PDE4D: variants seen among roughly 807,000 people sequenced by gnomAD.
PDE4D encodes the protein phosphodiesterase 4D.
PDE4D carries 24 observed loss-of-function variants against 87.4 expected under a neutral mutation model. The ratio of observed to expected loss-of-function variants is 0.27; its 90% CI spans 0.20 to 0.39. The LOEUF (loss-of-function observed/expected upper bound fraction) is 0.39. Ranked by LOEUF, PDE4D falls within the 10% of genes least tolerant of loss-of-function variation. PDE4D has a pLI of 1.00. For missense variants in PDE4D, 714 were observed against 1,041.0 expected (o/e 0.69, Z 4.32); for synonymous variants, 384 against 383.2 (o/e 1.00, Z -0.02).
intron 1 of PDE4D, among the ~76,000 whole-genome samples, chr5:59,514,535 C>T (rs1275669884): frequency 6.6e-6 from 1 of 152,132 alleles, no homozygotes; most frequent in African/African-American, 2.4e-5. Flanking sequence ...TTATTTTTAC[C>T]TCACTAGGAT....
intron 1 of PDE4D, among the ~76,000 whole-genome samples, chr5:59,700,516 A>G (rs982342228): frequency 6.6e-6 from 1 of 152,230 alleles, no homozygotes; most frequent in African/African-American, 2.4e-5. Context: ...AAAATCACGT[A>G]GATTTCACAC....
At chr5:59,434,579 C>T (rs1796542180) in intron 1 of PDE4D, among the ~76,000 whole-genome samples, 2 of 152,084 alleles carry the variant, frequency 1.3e-5, no homozygotes, top group Admixed American at 1.3e-4. Flanking sequence ...CTGAAAAACT[C>T]CCACCTCTTT....
At chr5:60,252,391 C>CT (rs1748576302) in intron 1 of PDE4D, among the ~76,000 whole-genome samples, 1 of 112,916 alleles carries the variant, frequency 8.9e-6, no homozygotes, top group Non-Finnish European at 1.8e-5. Flanking sequence ...TCACAGCACA[C>CT]TTTTTTACTT....
intron 1 of PDE4D, among the ~76,000 whole-genome samples, chr5:60,511,840 A>G (rs1419580749): frequency 6.6e-6 from 1 of 152,162 alleles, no homozygotes; most frequent in Admixed American, 6.5e-5. Flanking sequence ...AAATTTTAAA[A>G]TATTTTAAAA....
At chr5:59,203,770 A>T (rs1402142050) in intron 2 of PDE4D, among the ~76,000 whole-genome samples, 1 of 152,206 alleles carries the variant, frequency 6.6e-6, no homozygotes, top group African/African-American at 2.4e-5. Flanking sequence ...GATCTCACAC[A>T]TATGTGGAAT....
chr5:59,437,502 T>C (rs1401716533), intron 1 of PDE4D, among the ~76,000 whole-genome samples: 1 of 152,116 alleles, frequency 6.6e-6, no homozygotes, highest in Non-Finnish European at 1.5e-5. Context: ...AGATAAAAAA[T>C]AATCATGCTG....
intron 1 of PDE4D, among the ~76,000 whole-genome samples, chr5:60,502,681 A>G (rs1192490430): frequency 6.6e-6 from 1 of 152,148 alleles, no homozygotes; most frequent in Non-Finnish European, 1.5e-5. Flanking sequence ...ATGAAGGTAG[A>G]ATTATTGCCA....
At position 59,651,030 on chromosome 5, in the gene PDE4D, C is replaced by T. The variant is rs376638321; in HGVS notation, c.455+242138G>A. ...CAGCACTTTGGGAGGCCGAGGTGGGCGGATCACGAGGTCAGGAGATCGAGA... is the reference window on the plus strand; with the variant it reads ...CAGCACTTTGGGAGGCCGAGGTGGGTGGATCACGAGGTCAGGAGATCGAGA... On this transcript the variant is annotated intron_variant, in intron 1 of 14. Transcript: ENST00000340635. Among the ~76,000 whole-genome samples, 56 of 151,856 alleles carry T rather than the reference C, an allele frequency of 3.7e-4. 1 individual carries two copies. In the South Asian group the frequency reaches 0.01, roughly 28 times the overall value.
intron 1 of PDE4D, among the ~76,000 whole-genome samples, chr5:59,858,591 A>T (rs1003430594): frequency 3.3e-5 from 5 of 152,100 alleles, no homozygotes; most frequent in African/African-American, 1.2e-4. Flanking sequence ...ATGAGAGAGA[A>T]TGTGGAATGG....
chr5:60,114,338 A>G (rs1777945473), intron 2 of PDE4D, among the ~76,000 whole-genome samples: 1 of 152,104 alleles, frequency 6.6e-6, no homozygotes, highest in Non-Finnish European at 1.5e-5. Flanking sequence ...GAAAATATAA[A>G]GCATTATTGA....
intron 1 of PDE4D, among the ~76,000 whole-genome samples, chr5:59,752,093 T>C (rs554799516): frequency 6.6e-6 from 1 of 152,312 alleles, no homozygotes; most frequent in African/African-American, 2.4e-5. Context: ...TATTGTTTTA[T>C]GGTTGAGTAA....
intron 1 of PDE4D, among the ~76,000 whole-genome samples, chr5:59,750,608 A>G (rs1760302493): frequency 6.6e-6 from 1 of 152,062 alleles, no homozygotes; most frequent in Non-Finnish European, 1.5e-5. Flanking sequence ...CCACTGGAAT[A>G]TTTATTTGTG....
chr5:60,460,198 C>G (rs1746815197), intron 1 of PDE4D: 2 of 1,520,704 alleles, frequency 1.3e-6, no homozygotes, highest in Middle Eastern at 2.3e-4. Context: ...TCCAGATGAA[C>G]ATTTCATCAA....
Position 60,440,644 on chromosome 5 carries a change from T to C in PDE4D, c.-90+47298A>G, listed in dbSNP as rs561594532. On this transcript the variant is annotated intron_variant, in intron 1 of 16. Coordinates refer to the PDE4D transcript ENST00000502484. ...GATAGATATTGAAATGCATATATAT[T>C]GAAAAATGCACAATGTGTTTAGAAA... Among the ~76,000 whole-genome samples, 580 of 152,192 alleles carry C rather than the reference T, an allele frequency of 3.8e-3. 4 individuals are homozygous for C. The highest frequency in any genetic ancestry group is 0.014 in the African/African-American group (569 of 41,526).
chr5:58,980,985 G>A (rs979586391), intron 11 of PDE4D, among the ~76,000 whole-genome samples: 7 of 152,050 alleles, frequency 4.6e-5, no homozygotes, highest in East Asian at 1.9e-4. Context: ...TCCAGGCTCC[G>A]AGAAAGCAAA....
intron 3 of PDE4D, among the ~76,000 whole-genome samples, chr5:59,964,332 GCGTT>G (rs2152812643): frequency 6.6e-6 from 1 of 152,254 alleles, no homozygotes; most frequent in South Asian, 2.1e-4. Context: ...GAAGCAACCA[GCGTT>G]TGGCTTCAGC....
At chr5:59,820,803 TTGTTTG>T (rs1328973908) in intron 1 of PDE4D, among the ~76,000 whole-genome samples, 1 of 152,260 alleles carries the variant, frequency 6.6e-6, no homozygotes, top group East Asian at 1.9e-4. Flanking sequence ...CATTAAAATA[TTGTTTG>T]TGTTTAAGGT....
chr5:59,079,738 C>A (rs915858946), intron 5 of PDE4D, among the ~76,000 whole-genome samples: 1 of 151,432 alleles, frequency 6.6e-6, no homozygotes, highest in South Asian at 2.1e-4. Context: ...TACCCAGAGG[C>A]TGAGGCAGGA....
Position 59,247,067 on chromosome 5 carries a change from A to G in PDE4D, c.456-31099T>C, listed in dbSNP as rs78720093. 0.032 allele frequency among the ~76,000 whole-genome samples: 4,800 copies of G among 152,252 alleles called. 606 individuals are homozygous for G. In the East Asian group the frequency reaches 0.45, roughly 14 times the overall value. On this transcript the variant is annotated intron_variant, in intron 1 of 14. Coordinates refer to ENST00000340635, the MANE Select transcript of PDE4D (RefSeq NM_001104631.2). ...CACATATACATTCATGCACCAATAT[A>G]ATATGGTTTTCAAAATCATGTCACA...
Sources: allele counts gnomAD v4.1 joint callset (sites outside exome capture counted in the v4.1 genomes callset), GRCh38; gene constraint gnomAD v4.1.1; transcripts MANE v1.5; gene names NCBI Gene and HGNC (gene_info 2026-07-23, HGNC 2026-07-21).